FREM3: variants seen among roughly 807,000 people sequenced by gnomAD.
The protein encoded by FREM3 is FRAS1-related extracellular matrix protein 3.
In FREM3, 105 loss-of-function variants were observed where a neutral mutation model predicts 129.1. The ratio of observed to expected loss-of-function variants is 0.81; its 90% CI spans 0.69 to 0.96. FREM3 has a LOEUF of 0.96. Ranked by LOEUF, FREM3 falls within the 40% of genes least tolerant of loss-of-function variation. The pLI, the probability that FREM3 is intolerant of heterozygous loss-of-function variation, is 0.00. For missense variants in FREM3, 2,593 were observed against 2,666.3 expected (o/e 0.97, Z 0.61); for synonymous variants, 1,014 against 1,044.9 (o/e 0.97, Z 0.57).
intron 6 of FREM3, among the ~76,000 whole-genome samples, chr4:143,603,300 G>A (rs970635987): frequency 1.2e-4 from 19 of 152,038 alleles, no homozygotes; most frequent in Non-Finnish European, 1.5e-4. Flanking sequence ...AAAGAGTGTT[G>A]CATCACTTGG....
intron 2 of FREM3, among the ~76,000 whole-genome samples, chr4:143,668,105 CTATT>C (rs2149854877): frequency 6.6e-6 from 1 of 152,246 alleles, no homozygotes; most frequent in African/African-American, 2.4e-5. Flanking sequence ...TTTCTAAACA[CTATT>C]TAGCAGAATG....
chr4:143,614,393 A>G (rs1054227518), intron 5 of FREM3, among the ~76,000 whole-genome samples: 2 of 152,234 alleles, frequency 1.3e-5, no homozygotes, highest in South Asian at 2.1e-4. Context: ...TGTTCTGAAA[A>G]CATCAAATAT....
rs1451081737 is a variant in FREM3 at position 143,624,114 on chromosome 4, C to T, written c.5647G>A (p.Gly1883Arg). The T allele has an allele frequency of 9.9e-6, 15 of 1,516,452 alleles. No homozygotes were observed. The highest frequency in any genetic ancestry group is 1.3e-5 in the Non-Finnish European group (15 of 1,128,166). 93.9% of individuals were successfully genotyped at this position (1,516,452 alleles called of 1,614,324 possible). The change falls in exon 4 of 8, where the codon GGA becomes AGA. Residue 1883 changes from glycine (G) to arginine (R), a missense_variant. Coordinates refer to ENST00000329798, the MANE Select transcript of FREM3 (RefSeq NM_001168235.2). ...ATCAATCAGTGTCACATACCATCTC[C>T]AGGGTCTACAATTTCAACCGTTGCC... Reference protein sequence around the residue: ...EMATVEIVDPGDESTVYIPEA... With the variant: ...EMATVEIVDPRDESTVYIPEA...
chr4:143,685,940 C>A (rs1354235734), intron 2 of FREM3, among the ~76,000 whole-genome samples: 1 of 152,090 alleles, frequency 6.6e-6, no homozygotes, highest in Non-Finnish European at 1.5e-5. Context: ...TGCCCCAAAC[C>A]ATGGCATGTG....
At chr4:143,581,133 A>G (rs1308904717) in intron 7 of FREM3, among the ~76,000 whole-genome samples, 7 of 152,052 alleles carry the variant, frequency 4.6e-5, no homozygotes, top group Admixed American at 4.6e-4. Flanking sequence ...GATTATAGAA[A>G]ACTGCCCAGA....
In FREM3 at chr4:143,697,841, G is replaced by A. The variant is rs571467432; in HGVS notation, c.2835C>T (p.Ile945=). The A allele has an allele frequency of 3.3e-6, 5 of 1,537,728 alleles. No individual in the cohort carries two copies. The highest frequency in any genetic ancestry group is 1.2e-5 in the South Asian group (1 of 84,062). Residue 945 remains isoleucine, a synonymous_variant, in exon 1 of 8, where the codon ATC becomes ATT. Transcript: ENST00000329798. ...CCAATAATGAACTACTTCTGAGAGA[G>A]ATCCTAGGACTTCTGTTAGCCACAT... is the stretch of plus-strand genomic sequence containing the variant. ...HPNVANRSPR[I]SLRSSSLLDV...
Position 143,611,336 on chromosome 4 carries a change from G to C in FREM3, c.5971C>G (p.Gln1991Glu). 2.0e-6 allele frequency: 3 copies of C among 1,536,864 alleles called. No individual in the cohort carries two copies. The highest frequency in any genetic ancestry group is 1.2e-5 in the South Asian group (1 of 83,842). ...SVSLRLPVGG[Q>E]LGARFPTTKV... ...GTGGTGGGGAATCTGGCTCCCAGCT[G>C]TCCTCCCACTGGCAGCCTAAGTGAA... Residue 1991 changes from glutamine to glutamate, a missense_variant, in exon 6 of 8, where the codon CAG (glutamine) becomes GAG (glutamate). Gln to Glu is a conservative substitution (Grantham distance 29, BLOSUM62 2). This residue lies in a region of FREM3 where 317 missense variants were observed against 399.0 expected (regional missense o/e 0.79). Coordinates refer to ENST00000329798, the MANE Select transcript of FREM3 (RefSeq NM_001168235.2).
At chr4:143,675,557 A>T (rs1578864124) in intron 2 of FREM3, among the ~76,000 whole-genome samples, 1 of 152,202 alleles carries the variant, frequency 6.6e-6, no homozygotes, top group Admixed American at 6.5e-5. Flanking sequence ...GAACTGAGGG[A>T]GATAGAGACA....
At chr4:143,600,005 G>A (rs1032962994) in intron 6 of FREM3, among the ~76,000 whole-genome samples, 14 of 152,150 alleles carry the variant, frequency 9.2e-5, no homozygotes, top group African/African-American at 3.4e-4. Context: ...CTAGTGGTTG[G>A]TCTTCACATT....
chr4:143,602,097 T>C, intron 6 of FREM3: 1 of 152,198 alleles, frequency 6.6e-6, no homozygotes, highest in East Asian at 1.9e-4. Flanking sequence ...GGAAGCATTA[T>C]TGGTATCTAA....
chr4:143,606,486 C>T (rs556865211), intron 6 of FREM3, among the ~76,000 whole-genome samples: 32 of 151,244 alleles, frequency 2.1e-4, no homozygotes, highest in Admixed American at 6.6e-5. Flanking sequence ...GGTAGCTTTT[C>T]GTTATAGGAA....
intron 2 of FREM3, among the ~76,000 whole-genome samples, chr4:143,680,477 A>G (rs1042304570): frequency 3.9e-5 from 6 of 152,106 alleles, no homozygotes; most frequent in African/African-American, 1.4e-4. Context: ...CCTCTGTATT[A>G]TAAGGAGCTG....
chr4:143,695,950 TG>T lies in FREM3; in HGVS notation c.4725del (p.Ile1576SerfsTer18), dbSNP rs1740559370. 16 of 1,537,844 alleles carry T rather than the reference TG, an allele frequency of 1.0e-5. No individual in the cohort carries two copies. Among genetic ancestry groups the T allele is most frequent in the African/African-American group, 2.7e-5 (2 of 73,142 alleles). ...TTGCCATGCATGGGGACCTGGGTGA[TG>T]GTAAAGAGAATAAGGTCATCTGGGG... The part of the protein sequence containing the change: ...SDTPDDLILF[T>X]ITQVPMHGKI... On this transcript the variant is annotated frameshift_variant, in exon 1 of 8. Transcript: ENST00000329798. LOFTEE classifies it high-confidence loss of function.
intron 2 of FREM3, among the ~76,000 whole-genome samples, chr4:143,642,393 C>A (rs2149846491): frequency 6.6e-6 from 1 of 152,212 alleles, no homozygotes; most frequent in East Asian, 1.9e-4. Flanking sequence ...AAATACACTA[C>A]AAAGAAATAG....
In FREM3 at chr4:143,700,330, G is replaced by A. The variant is rs1740673651; in HGVS notation, c.346C>T (p.Pro116Ser). 1 of 1,534,922 alleles carries A rather than the reference G, an allele frequency of 6.5e-7. No individual in the cohort carries two copies. The highest frequency in any genetic ancestry group is 8.7e-7 in the Non-Finnish European group (1 of 1,145,942). Reference protein sequence around the residue: ...LKGALSPRRFPCTFGPRQVQY... With the variant: ...LKGALSPRRFSCTFGPRQVQY... ...ACTTGGCGGGGCCCGAAGGTGCAGG[G>A]GAAGCGGCGCGGGGAGAGCGCGCCC... Residue 116 changes from proline (P) to serine (S), a missense_variant, in exon 1 of 8, where the codon CCC becomes TCC. Around this residue, in one of 2 missense-constraint regions of FREM3, gnomAD observed 2,276 missense variants for 2,267.2 expected, o/e 1.00. Coordinates refer to ENST00000329798, the MANE Select transcript of FREM3 (RefSeq NM_001168235.2).
In FREM3 at chr4:143,699,950, A is replaced by G. The variant is rs1740662209; in HGVS notation, c.726T>C (p.Cys242=). Reference sequence around the variant, plus strand: ...GCACCCCAGCACGGAGGAAAGCCTCACAGTCTACGCCCTTGCCCCTGGGGA... The same window carrying G: ...GCACCCCAGCACGGAGGAAAGCCTCGCAGTCTACGCCCTTGCCCCTGGGGA... ...APLPRGKGVD[C]EAFLRAGVRY... The change falls in exon 1 of 8, where the codon TGT becomes TGC. Residue 242 remains cysteine, a synonymous_variant. Coordinates refer to ENST00000329798, the MANE Select transcript of FREM3 (RefSeq NM_001168235.2). This position sits in a 1 kb window ranked among gnomAD's most constrained non-coding sequence, Gnocchi z 4.2. The G allele has an allele frequency of 5.9e-6, 9 of 1,529,746 alleles. No individual in the cohort carries two copies. The highest frequency in any genetic ancestry group is 6.1e-6 in the Non-Finnish European group (7 of 1,142,802). The allele number at this position is 1,529,746 out of a possible 1,614,324, so 94.8% of individuals were successfully genotyped here.
chr4:143,614,978 G>A (rs557022585), intron 5 of FREM3, among the ~76,000 whole-genome samples: 43 of 152,242 alleles, frequency 2.8e-4, no homozygotes, highest in African/African-American at 1.0e-3. Context: ...GGCAGCCTGA[G>A]AATTTGTGAA....
At chr4:143,654,330 C>A (rs2149849806) in intron 2 of FREM3, among the ~76,000 whole-genome samples, 1 of 152,268 alleles carries the variant, frequency 6.6e-6, no homozygotes, top group East Asian at 1.9e-4. Flanking sequence ...CTTGGAACTC[C>A]AGGCCTCAAG....
chr4:143,668,355 C>A (rs1164557682), intron 2 of FREM3, among the ~76,000 whole-genome samples: 1 of 152,230 alleles, frequency 6.6e-6, no homozygotes, highest in Admixed American at 6.5e-5. Flanking sequence ...AGGCCCTAAA[C>A]CTTCCTCTGC....
Sources: gnomAD v4.1 joint callset for allele counts (sites outside exome capture counted in the v4.1 genomes callset) on GRCh38, gnomAD v4.1.1 for gene constraint, gnomAD v4.1.1 regional missense constraint, Gnocchi (gnomAD v3.1) non-coding constraint, MANE v1.5 for transcripts, NCBI Gene and HGNC (gene_info 2026-07-23, HGNC 2026-07-21) for gene names.